DGKE: variants seen among roughly 807,000 people sequenced by gnomAD.
DGKE encodes DAG kinase epsilon.
In DGKE, 53 loss-of-function variants were observed where a neutral mutation model predicts 70.0. The observed-to-expected ratio is 0.76, with a 90% CI of 0.61 to 0.95. The LOEUF is 0.95. DGKE is among the 40% of genes least tolerant of loss of function. The probability of loss-of-function intolerance (pLI) is 0.00; values close to 1 mark genes in which losing one functional copy is unlikely to be tolerated. For synonymous variants in DGKE, 291 were observed against 257.0 expected (o/e 1.13, Z -1.27); for missense variants, 655 against 706.9 (o/e 0.93, Z 0.83).
chr17:56,849,064 T>TA lies in DGKE; in HGVS notation c.1047-116dup, dbSNP rs1907489005. On this transcript the variant is annotated intron_variant, in intron 6 of 11. Transcript: ENST00000284061. Reference sequence around the variant, plus strand: ...ACTTATCCCTAAATTTGCATGCTCATATACGTGTGGTTACTTTTGTAGATG... The same window carrying TA: ...ACTTATCCCTAAATTTGCATGCTCATAATACGTGTGGTTACTTTTGTAGATG... The TA allele has an allele frequency of 4.1e-6, 5 of 1,212,466 alleles. No homozygotes were observed. The African/African-American group carries it at 7.6e-5, about 19-fold the overall frequency. 75.1% of individuals were successfully genotyped at this position (1,212,466 alleles called of 1,614,324 possible).
chr17:56,841,128 G>A (rs925788441), intron 2 of DGKE, among the ~76,000 whole-genome samples: 3 of 151,818 alleles, frequency 2.0e-5, no homozygotes, highest in Non-Finnish European at 4.4e-5. Context: ...GCATGCACCT[G>A]TAGTCCCAGC....
At chr17:56,834,442 C>T (rs1418571086) in intron 1 of DGKE, among the ~76,000 whole-genome samples, 182 bp downstream of exon 1, 5 of 152,242 alleles carry the variant, frequency 3.3e-5, no homozygotes, top group Non-Finnish European at 7.3e-5. Flanking sequence ...AACGCCCGGC[C>T]TTTCGGTGGA....
chr17:56,845,460 G>A (rs1197218523), intron 3 of DGKE, among the ~76,000 whole-genome samples: 1 of 152,150 alleles, frequency 6.6e-6, no homozygotes, highest in Non-Finnish European at 1.5e-5. Flanking sequence ...TATGCTGGAT[G>A]ACTTATCTAG....
chr17:56,862,308 G>C lies in DGKE; in HGVS notation c.1524+57G>C, dbSNP rs755176290. On this transcript the variant is annotated intron_variant, in intron 11 of 11. Coordinates refer to ENST00000284061, the MANE Select transcript of DGKE (RefSeq NM_003647.3). Reference sequence around the variant, plus strand: ...TGTCCCAATCCAATTCTAAGCTGTTGATATGTAAAATATACATGCTATACT... The same window carrying C: ...TGTCCCAATCCAATTCTAAGCTGTTCATATGTAAAATATACATGCTATACT... 2.7e-6 allele frequency: 4 copies of C among 1,478,868 alleles called. No homozygotes were observed. In the Admixed American group the frequency reaches 6.9e-5, roughly 26 times the overall value. The allele number at this position is 1,478,868 out of a possible 1,614,324, so 91.6% of individuals were successfully genotyped here.
chr17:56,859,754 C>G (rs1908181849), intron 9 of DGKE, among the ~76,000 whole-genome samples: 1 of 152,032 alleles, frequency 6.6e-6, no homozygotes, highest in Admixed American at 6.5e-5. Context: ...TTGCTTGATT[C>G]CAAAAAGAAT....
intron 1 of DGKE, 93 bp from the exon 2 acceptor site, chr17:56,834,685 C>G (rs1334619957): frequency 2.4e-6 from 3 of 1,242,720 alleles, no homozygotes; most frequent in South Asian, 1.4e-5. Context: ...GCCACCTTCA[C>G]TGAGGGCGCC....
chr17:56,848,896 C>T (rs773031660), intron 6 of DGKE, 43 bp downstream of exon 6: 1 of 1,611,828 alleles, frequency 6.2e-7, no homozygotes, highest in Admixed American at 1.7e-5. Context: ...TGAGATTTAG[C>T]CATAATTGGT....
chr17:56,849,337 G>C, intron 7 of DGKE, 105 bp downstream of exon 7: 1 of 1,026,822 alleles, frequency 9.7e-7, no homozygotes, highest in Non-Finnish European at 1.4e-6. Flanking sequence ...AAGGGAGCTG[G>C]CTGTGGAGCA....
At position 56,865,715 on chromosome 17, in the gene DGKE, C is replaced by T. The variant is rs2144312208; in HGVS notation, c.*2924C>T. 1.3e-5 allele frequency: 2 copies of T among 152,108 alleles called. No homozygotes were observed. The highest frequency in any genetic ancestry group is 3.9e-4 in the East Asian group (2 of 5,186). 9.4% of individuals were successfully genotyped at this position (152,108 alleles called of 1,614,324 possible). ...CATTTGCTTAGAGTTATAAAATATA[C>T]TGTGACTCAGAAATTGTAAAGTCAG... On this transcript the variant is annotated 3_prime_UTR_variant, in exon 12 of 12. Coordinates refer to ENST00000284061, the MANE Select transcript of DGKE (RefSeq NM_003647.3).
intron 6 of DGKE, 110 bp from the exon 7 acceptor site, chr17:56,849,071 G>A: frequency 1.6e-6 from 2 of 1,235,724 alleles, no homozygotes; most frequent in Non-Finnish European, 2.3e-6. Flanking sequence ...TCATATACGT[G>A]TGGTTACTTT....
chr17:56,845,923 A>C (rs1907258488), intron 4 of DGKE, 114 bp downstream of exon 4: 1 of 1,139,228 alleles, frequency 8.8e-7, no homozygotes, highest in African/African-American at 1.6e-5. Context: ...AATAATTACA[A>C]AAAGATCAGC....
At position 56,865,962 on chromosome 17, in the gene DGKE, A is replaced by C. The variant is rs1289546660; in HGVS notation, c.*3171A>C. 1 of 152,202 alleles carries C rather than the reference A, an allele frequency of 6.6e-6. No individual in the cohort carries two copies. The highest frequency in any genetic ancestry group is 1.9e-4 in the East Asian group (1 of 5,206). The allele number at this position is 152,202 out of a possible 1,614,324, so 9.4% of individuals were successfully genotyped here. Reference sequence around the variant, plus strand: ...TAATGGTTTTGTGTGGTTTTCCTTCAAAATGATAATATTGAAGCAAGAACC... The same window carrying C: ...TAATGGTTTTGTGTGGTTTTCCTTCCAAATGATAATATTGAAGCAAGAACC... On this transcript the variant is annotated 3_prime_UTR_variant, in exon 12 of 12. Coordinates refer to ENST00000284061, the MANE Select transcript of DGKE (RefSeq NM_003647.3).
Position 56,834,777 on chromosome 17 carries a change from G to A in DGKE, c.-18-1G>A, listed in dbSNP as rs1467410680. On this transcript the variant is annotated splice_acceptor_variant, in intron 1 of 11. Coordinates refer to ENST00000284061, the MANE Select transcript of DGKE (RefSeq NM_003647.3). LOFTEE classifies it low-confidence loss of function (5UTR_SPLICE). ...GCACCGCCTGTTTCTTTTCTGGTTA[G>A]GTATCGTCCTTGGAGAAGATGGAAG... 1.9e-6 allele frequency: 3 copies of A among 1,581,734 alleles called. No homozygotes were observed. In the Admixed American group the frequency reaches 5.1e-5, roughly 27 times the overall value.
chr17:56,862,360 A>G (rs1267346084), intron 11 of DGKE, 109 bp downstream of exon 11: 1 of 1,055,524 alleles, frequency 9.5e-7, no homozygotes, highest in Admixed American at 2.1e-5. Context: ...TTTATGGCTC[A>G]TGCAGCTGGT....
At position 56,845,780 on chromosome 17, in the gene DGKE, G is replaced by T; in HGVS notation, c.715G>T (p.Glu239Ter). 1 of 1,609,736 alleles carries T rather than the reference G, an allele frequency of 6.2e-7. No individual in the cohort carries two copies. ...TAATATGGGAGAAGGACTGTTGGGA[G>T]AATTTAGGATCTTGTTGAATCCAGT... ...GTNMGEGLLG[E>*]FRILLNPVQV... Residue 239 changes from glutamate to a stop codon, truncating the protein, a stop_gained, in exon 4 of 12, where the codon GAA becomes TAA. Coordinates refer to ENST00000284061, the MANE Select transcript of DGKE (RefSeq NM_003647.3). LOFTEE classifies it high-confidence loss of function.
At chr17:56,845,470 G>A (rs1435210589) in intron 3 of DGKE, among the ~76,000 whole-genome samples, 1 of 152,172 alleles carries the variant, frequency 6.6e-6, no homozygotes, top group Non-Finnish European at 1.5e-5. Context: ...GACTTATCTA[G>A]AATAATGTAG....
chr17:56,844,807 T>C (rs935740615), intron 3 of DGKE, among the ~76,000 whole-genome samples: 11 of 152,162 alleles, frequency 7.2e-5, no homozygotes, highest in African/African-American at 1.9e-4. Flanking sequence ...ATGTAACTTA[T>C]TGAATCTCTC....
chr17:56,858,273 A>C (rs1255204623), intron 8 of DGKE, among the ~76,000 whole-genome samples: 1 of 152,208 alleles, frequency 6.6e-6, no homozygotes, highest in African/African-American at 2.4e-5. Context: ...TGTAAAATAC[A>C]AATGATGCCA....
At chr17:56,858,099 A>G (rs886074919) in intron 8 of DGKE, among the ~76,000 whole-genome samples, 6 of 151,880 alleles carry the variant, frequency 4.0e-5, no homozygotes, top group Non-Finnish European at 7.4e-5. Flanking sequence ...AGAAAAAGAA[A>G]AAATCACTTC....
Sources: gnomAD v4.1 joint callset for allele counts (sites outside exome capture counted in the v4.1 genomes callset) on GRCh38, gnomAD v4.1.1 for gene constraint, MANE v1.5 for transcripts, NCBI Gene and HGNC (gene_info 2026-07-23, HGNC 2026-07-21) for gene names.